Variants in UBR4 observed in about 807,000 individuals in gnomAD.
The protein encoded by UBR4 is E3 ubiquitin-protein ligase UBR4.
UBR4 carries 124 observed loss-of-function variants against 575.6 expected under a neutral mutation model. The observed-to-expected ratio is 0.22, with a 90% CI of 0.19 to 0.25. The LOEUF (loss-of-function observed/expected upper bound fraction) is 0.25, where lower values mean the gene tolerates loss of function less well. Ranked by LOEUF, UBR4 falls within the 10% of genes least tolerant of loss-of-function variation. The pLI is 1.00. For missense variants in UBR4, 4,818 were observed against 6,478.8 expected, an observed-to-expected ratio of 0.74 and a Z score of 8.80; for synonymous variants, 2,455 against 2,473.7, an observed-to-expected ratio of 0.99 and a Z score of 0.22.
chr1:19,145,717 T>C (rs2084771914), intron 53 of UBR4, 76 bp downstream of exon 53: 1 of 1,508,168 alleles, frequency 6.6e-7, no homozygotes, highest in Non-Finnish European at 9.0e-7. Flanking sequence ...AGCTAATGGC[T>C]AACGGTCATA....
intron 37 of UBR4, 44 bp from the exon 38 acceptor site, chr1:19,161,191 C>A (rs1460492005): frequency 6.3e-7 from 1 of 1,578,620 alleles, no homozygotes; most frequent in Admixed American, 1.7e-5. Context: ...TTGCCTCAAG[C>A]ACAGAGGAAA....
At chr1:19,131,297 C>T (rs1455022084) in intron 60 of UBR4, among the ~76,000 whole-genome samples, 2 of 148,594 alleles carry the variant, frequency 1.3e-5, no homozygotes, top group South Asian at 2.1e-4. Context: ...ACTGCAGTTT[C>T]CTTTTCTTTA....
chr1:19,188,728 G>A (rs967812795), intron 11 of UBR4, among the ~76,000 whole-genome samples: 2 of 152,212 alleles, frequency 1.3e-5, no homozygotes, highest in East Asian at 3.9e-4. Flanking sequence ...AGCACTTTGG[G>A]AGGCCAAGGC....
At position 19,104,077 on chromosome 1, in the gene UBR4, GTGC is replaced by G. The variant is rs1419576369; in HGVS notation, c.12901+4_12901+6del. On this transcript the variant is annotated splice_donor_5th_base_variant and intron_variant, in intron 87 of 105. Transcript: ENST00000375254. Reference sequence around the variant, plus strand: ...GCCTTAGGCTCCAGGCCACTGGGCAGTGCTACCTGTGGTCATGTCCTCCAGCAT... The same window carrying G: ...GCCTTAGGCTCCAGGCCACTGGGCAGTACCTGTGGTCATGTCCTCCAGCAT... 1.9e-6 allele frequency: 3 copies of G among 1,613,862 alleles called. No individual in the cohort carries two copies. Among genetic ancestry groups the G allele is most frequent in the African/African-American group, 2.7e-5 (2 of 74,942 alleles).
In UBR4 at chr1:19,117,805, T is replaced by G. The variant is rs769156844; in HGVS notation, c.10629+18A>C. ...GACCTATTGGCCTCAGGACTGTCCA[T>G]GTACAGATGTTACTTACACAGAACG... On this transcript the variant is annotated intron_variant, in intron 72 of 105. Coordinates refer to ENST00000375254, the MANE Select transcript of UBR4 (RefSeq NM_020765.3). This position sits in a 1 kb window ranked among gnomAD's most constrained non-coding sequence, Gnocchi z 4.0. The G allele has an allele frequency of 1.2e-6, 2 of 1,612,398 alleles. No individual in the cohort carries two copies. The highest frequency in any genetic ancestry group is 8.5e-7 in the Non-Finnish European group (1 of 1,178,548).
intron 29 of UBR4, 48 bp downstream of exon 29, chr1:19,166,974 T>G: frequency 3.8e-6 from 6 of 1,596,202 alleles, no homozygotes; most frequent in Non-Finnish European, 5.2e-6. Context: ...ATTTCACTGA[T>G]AGCAGCAGTA....
Position 19,172,907 on chromosome 1 carries a change from G to T in UBR4, c.3478C>A (p.Pro1160Thr), listed in dbSNP as rs768521513. The change falls in exon 25 of 106, where the codon CCA (proline) becomes ACA (threonine). Residue 1160 changes from proline to threonine, a missense_variant. Transcript: ENST00000375254. ...GTGTCAATGAGTTGCAGCGTGGCTG[G>T]AAGTAGGTTCTTGGTAATCTCAGAC... is the stretch of plus-strand genomic sequence containing the variant. The part of the protein sequence containing the change: ...KSSEITKNLL[P>T]ATLQLIDTYA... 6.2e-7 allele frequency: 1 copy of T among 1,614,194 alleles called. No homozygotes were observed. Among genetic ancestry groups the T allele is most frequent in the Admixed American group, 1.7e-5 (1 of 60,024 alleles).
chr1:19,167,388 C>G (rs965253756), intron 28 of UBR4, among the ~76,000 whole-genome samples, 157 bp from the exon 29 acceptor site: 10 of 152,222 alleles, frequency 6.6e-5, no homozygotes, highest in African/African-American at 1.7e-4. Flanking sequence ...CTATTTTATA[C>G]ACAGGTATCA....
In UBR4 at chr1:19,106,973, G is replaced by A. The variant is rs771265443; in HGVS notation, c.12106-7C>T. On this transcript the variant is annotated splice_region_variant and splice_polypyrimidine_tract_variant and intron_variant, in intron 81 of 105. Transcript: ENST00000375254. ...GGGCCTCAACGGGGACATCCTGGAG[G>A]AGGCAAGTGGAGCAAGGTGAGGGCG... The A allele has an allele frequency of 1.2e-6, 2 of 1,611,560 alleles. No individual in the cohort carries two copies. Among genetic ancestry groups the A allele is most frequent in the East Asian group, 2.2e-5 (1 of 44,818 alleles).
chr1:19,186,518 G>A (rs1346462864), intron 14 of UBR4, 22 bp downstream of exon 14: 1 of 1,598,672 alleles, frequency 6.3e-7, no homozygotes. Flanking sequence ...ATCTCTGGGA[G>A]AGAGAAAAGA....
At position 19,172,973 on chromosome 1, in the gene UBR4, G is replaced by A. The variant is rs1345113004; in HGVS notation, c.3412C>T (p.His1138Tyr). The change falls in exon 25 of 106, where the codon CAT (histidine) becomes TAT (tyrosine). Residue 1138 changes from histidine to tyrosine, a missense_variant. By Grantham distance (83) the His-to-Tyr change is moderately conservative (BLOSUM62 2). Around this residue, in one of 29 missense-constraint regions of UBR4, gnomAD observed 1,172 missense variants for 1,259.7 expected, o/e 0.93. Coordinates refer to ENST00000375254, the MANE Select transcript of UBR4 (RefSeq NM_020765.3). ...GTCTCAGCAGCCATCTTAGAAAAAT[G>A]CTCATCCAAAGAGACCTGGACCTTT... ...ISKVQVSLDEHFSKMAAETDP... is the reference protein window; with the variant it reads ...ISKVQVSLDEYFSKMAAETDP... The A allele has an allele frequency of 3.1e-6, 5 of 1,614,152 alleles. No individual in the cohort carries two copies. The highest frequency in any genetic ancestry group is 4.2e-6 in the Non-Finnish European group (5 of 1,180,020).
Position 19,152,417 on chromosome 1 carries a change from G to A in UBR4, c.6892C>T (p.Leu2298=), listed in dbSNP as rs777336329. Residue 2298 remains leucine, a synonymous_variant, in exon 47 of 106, where the codon CTG becomes TTG. Transcript: ENST00000375254. The surrounding 1 kb of genome is among the most constrained non-coding windows in gnomAD (Gnocchi z 4.4). ...PIDFFEHNQQ[L]TDVEFGGNDL... is the part of the protein sequence containing the mutation. ...TTACCACCAAACTCCACATCTGTCA[G>A]CTGCTGGTTGTGTTCAAAAAAGTCA... The A allele has an allele frequency of 2.9e-5, 47 of 1,613,820 alleles. No homozygotes were observed. Among genetic ancestry groups the A allele is most frequent in the Non-Finnish European group, 3.6e-5 (43 of 1,179,848 alleles).
intron 102 of UBR4, among the ~76,000 whole-genome samples, chr1:19,083,900 T>C (rs967833998): frequency 6.6e-6 from 1 of 152,208 alleles, no homozygotes; most frequent in African/African-American, 2.4e-5. Context: ...ACCAATCTCT[T>C]TTTTTTCCTG....
In UBR4 at chr1:19,148,100, G is replaced by T; in HGVS notation, c.7522C>A (p.Leu2508Met). The T allele has an allele frequency of 6.2e-7, 1 of 1,609,642 alleles. No homozygotes were observed. Among genetic ancestry groups the T allele is most frequent in the South Asian group, 1.1e-5 (1 of 91,052 alleles). ...GGCAGGGACAACAGCAAAGTGGCCA[G>T]CTCCTGAGCAGCATTCTTGTTTCTC... ...KERNKNAAQE[L>M]ATLLLSLPAP... The change falls in exon 51 of 106, where the codon CTG becomes ATG. Residue 2508 changes from leucine to methionine, a missense_variant. Around this residue, in one of 29 missense-constraint regions of UBR4, gnomAD observed 340 missense variants for 375.4 expected, o/e 0.91. Transcript: ENST00000375254.
intron 77 of UBR4, 104 bp from the exon 78 acceptor site, chr1:19,112,971 T>C: frequency 2.5e-6 from 3 of 1,183,626 alleles, no homozygotes; most frequent in Admixed American, 5.1e-5. Flanking sequence ...ACATGCATTA[T>C]ATAACTTAAT....
In UBR4 at chr1:19,128,818, TA is replaced by T. The variant is rs1286453232; in HGVS notation, c.9003+159del. Among the ~76,000 whole-genome samples the T allele has an allele frequency of 3.9e-5, 6 of 152,328 alleles. No homozygotes were observed. The East Asian group carries it at 1.2e-3, about 29-fold the overall frequency. On this transcript the variant is annotated intron_variant, in intron 61 of 105. Coordinates refer to ENST00000375254, the MANE Select transcript of UBR4 (RefSeq NM_020765.3). ...CTCTGACCCTTAGCTTTCTCATTTA[TA>T]AAATGAAGAGCTATAATTTGTAGCT...
At chr1:19,105,910 G>A in intron 83 of UBR4, 68 bp from the exon 84 acceptor site, 1 of 1,254,586 alleles carries the variant, frequency 8.0e-7, no homozygotes, top group East Asian at 2.7e-5. Flanking sequence ...CCCCCAGCAG[G>A]GCAGTCAACT....
intron 73 of UBR4, 111 bp from the exon 74 acceptor site, chr1:19,115,748 T>C: frequency 1.3e-6 from 2 of 1,488,316 alleles, no homozygotes; most frequent in Non-Finnish European, 1.8e-6. Flanking sequence ...AATTAAGTGG[T>C]TACTCTAAGG....
At chr1:19,162,670 T>C in intron 34 of UBR4, 59 bp from the exon 35 acceptor site, 1 of 1,524,548 alleles carries the variant, frequency 6.6e-7, no homozygotes, top group Non-Finnish European at 8.8e-7. Context: ...GTAAACCATG[T>C]TTTCTCAAGC....
Sources: allele counts gnomAD v4.1 joint callset (sites outside exome capture counted in the v4.1 genomes callset), GRCh38; gene constraint gnomAD v4.1.1; regional missense constraint gnomAD v4.1.1; non-coding constraint Gnocchi (gnomAD v3.1); transcripts MANE v1.5; gene names NCBI Gene and HGNC (gene_info 2026-07-23, HGNC 2026-07-21).